SRBD1: variants seen among roughly 807,000 people sequenced by gnomAD.
SRBD1 encodes the protein S1 RNA binding domain 1, also known as S1 RNA-binding domain-containing protein 1.
In SRBD1, 88 loss-of-function variants were observed where a neutral mutation model predicts 115.3. The observed-to-expected ratio is 0.76, with a 90% CI of 0.64 to 0.91. The LOEUF (loss-of-function observed/expected upper bound fraction) is 0.91, where lower values mean the gene tolerates loss of function less well. Ranked by LOEUF, SRBD1 falls within the 40% of genes least tolerant of loss-of-function variation. SRBD1 has a pLI of 0.00. For synonymous variants in SRBD1, 509 were observed against 407.7 expected (o/e 1.25, Z -2.99); for missense variants, 1,385 against 1,177.4 (o/e 1.18, Z -2.58).
At chr2:45,598,304 A>G (rs755159176) in intron 4 of SRBD1, among the ~76,000 whole-genome samples, 4 of 152,136 alleles carry the variant, frequency 2.6e-5, no homozygotes, top group Non-Finnish European at 5.9e-5. Context: ...ACAGAGAAGA[A>G]AAATCATGAT....
intron 6 of SRBD1, among the ~76,000 whole-genome samples, chr2:45,581,312 G>A (rs1224515432): frequency 6.6e-6 from 1 of 152,052 alleles, no homozygotes; most frequent in Non-Finnish European, 1.5e-5. Flanking sequence ...GGTCAATCCT[G>A]ACCTGCTAAC....
At chr2:45,466,090 G>A (rs569129005) in intron 16 of SRBD1, among the ~76,000 whole-genome samples, 2 of 152,272 alleles carry the variant, frequency 1.3e-5, no homozygotes, top group Non-Finnish European at 2.9e-5. Context: ...GGCTTTTATT[G>A]CACTAGAAGA....
At chr2:45,557,626 AACTCCTT>A (rs1227443224) in intron 10 of SRBD1, among the ~76,000 whole-genome samples, 1 of 152,132 alleles carries the variant, frequency 6.6e-6, no homozygotes, top group Non-Finnish European at 1.5e-5. Flanking sequence ...ACATTATAGA[AACTCCTT>A]TTTGCTCCTT....
intron 18 of SRBD1, among the ~76,000 whole-genome samples, chr2:45,417,337 T>C (rs959790278): frequency 1.3e-5 from 2 of 152,224 alleles, no homozygotes; most frequent in African/African-American, 2.4e-5. Context: ...CATAATATCA[T>C]TTGTTAGATA....
chr2:45,464,308 T>C (rs1669413886), intron 16 of SRBD1, among the ~76,000 whole-genome samples: 1 of 152,078 alleles, frequency 6.6e-6, no homozygotes, highest in South Asian at 2.1e-4. Context: ...AAGATCCAAG[T>C]CAAAAGAGAA....
chr2:45,530,467 G>A (rs1472720939), intron 14 of SRBD1, among the ~76,000 whole-genome samples: 2 of 151,964 alleles, frequency 1.3e-5, no homozygotes, highest in Non-Finnish European at 2.9e-5. Flanking sequence ...GTCAATCAAA[G>A]GACTCCACAA....
chr2:45,489,093 G>T (rs571618593), intron 14 of SRBD1, among the ~76,000 whole-genome samples: 26 of 152,232 alleles, frequency 1.7e-4, no homozygotes, highest in African/African-American at 6.0e-4. Context: ...GCTGACATTT[G>T]TATGGGGATT....
At chr2:45,457,882 A>C (rs1365966045) in intron 16 of SRBD1, among the ~76,000 whole-genome samples, 1 of 152,048 alleles carries the variant, frequency 6.6e-6, no homozygotes, top group African/African-American at 2.4e-5. Context: ...TACAAACACA[A>C]TGCAAATGAG....
rs556232843 is a variant in SRBD1 at position 45,608,790 on chromosome 2, C to A, written c.-1+2429G>T. On this transcript the variant is annotated intron_variant, in intron 1 of 20. Coordinates refer to ENST00000263736, the MANE Select transcript of SRBD1 (RefSeq NM_018079.5). ...TCCCATCTCAATAAGTGGCACCCAC[C>A]TATTTGCTAAGCCAGAACCTTGAAA... Among the ~76,000 whole-genome samples, 3 of 151,658 alleles carry A rather than the reference C, an allele frequency of 2.0e-5. No individual in the cohort carries two copies. The South Asian group carries it at 6.3e-4, about 32-fold the overall frequency.
chr2:45,434,877 C>A (rs553961215), intron 16 of SRBD1, among the ~76,000 whole-genome samples: 2 of 151,994 alleles, frequency 1.3e-5, no homozygotes, highest in African/African-American at 4.8e-5. Context: ...CCCATTCACT[C>A]GTCATTTACA....
intron 14 of SRBD1, among the ~76,000 whole-genome samples, chr2:45,518,029 C>G (rs1671172956): frequency 6.6e-6 from 1 of 152,010 alleles, no homozygotes; most frequent in African/African-American, 2.4e-5. Context: ...AATTCAAAAG[C>G]TCTCTTTATT....
chr2:45,582,696 T>C (rs1485641272), intron 5 of SRBD1, among the ~76,000 whole-genome samples: 3 of 152,220 alleles, frequency 2.0e-5, no homozygotes, highest in Non-Finnish European at 2.9e-5. Context: ...CTGTGTCCTT[T>C]TGACATGTAT....
At chr2:45,581,092 T>C (rs1171581656) in intron 6 of SRBD1, among the ~76,000 whole-genome samples, 5 of 152,128 alleles carry the variant, frequency 3.3e-5, no homozygotes, top group Non-Finnish European at 5.9e-5. Context: ...GATCTCCTAA[T>C]TACCAAATAT....
intron 16 of SRBD1, among the ~76,000 whole-genome samples, chr2:45,475,859 C>A (rs112876297): frequency 6.6e-6 from 1 of 152,122 alleles, no homozygotes; most frequent in Non-Finnish European, 1.5e-5. Context: ...CCACCATACC[C>A]GGCTAATTTT....
At chr2:45,392,769 C>G (rs964664317) in intron 20 of SRBD1, among the ~76,000 whole-genome samples, 176 bp downstream of exon 20, 1 of 152,190 alleles carries the variant, frequency 6.6e-6, no homozygotes, top group Admixed American at 6.5e-5. Context: ...CTAGCTTTGG[C>G]TCTGGATATT....
chr2:45,410,253 C>A (rs1667559601), intron 19 of SRBD1, among the ~76,000 whole-genome samples: 1 of 152,106 alleles, frequency 6.6e-6, no homozygotes, highest in Admixed American at 6.5e-5. Flanking sequence ...TGTCACATGA[C>A]AAAAATGCAA....
At chr2:45,451,867 A>G (rs2103744677) in intron 16 of SRBD1, among the ~76,000 whole-genome samples, 1 of 152,040 alleles carries the variant, frequency 6.6e-6, no homozygotes, top group African/African-American at 2.4e-5. Context: ...GGTAAAAATA[A>G]AAACTGATTT....
At chr2:45,532,239 C>T (rs1193949789) in intron 14 of SRBD1, among the ~76,000 whole-genome samples, 1 of 151,858 alleles carries the variant, frequency 6.6e-6, no homozygotes, top group Non-Finnish European at 1.5e-5. Context: ...TCTTTTCATG[C>T]AGCAAGCAAT....
Position 45,562,753 on chromosome 2 carries a change from G to C in SRBD1, c.1309C>G (p.Leu437Val), listed in dbSNP as rs1156814160. The change falls in exon 10 of 21, where the codon CTG becomes GTG. Residue 437 changes from leucine (L) to valine (V), a missense_variant. Physicochemically the swap from Leu to Val is conservative, Grantham distance 32. Coordinates refer to ENST00000263736, the MANE Select transcript of SRBD1 (RefSeq NM_018079.5). ...NIRNIHHHQI[L>V]AINRGENLKV... ...AAATTTTCTCCACGGTTAATTGCCA[G>C]AATCTGAGTGCAAACATAAGGCAAA... 1.2e-6 allele frequency: 2 copies of C among 1,602,110 alleles called. No individual in the cohort carries two copies. Among genetic ancestry groups the C allele is most frequent in the African/African-American group, 2.7e-5 (2 of 74,218 alleles).
Sources: gnomAD v4.1 joint callset for allele counts (sites outside exome capture counted in the v4.1 genomes callset) on GRCh38, gnomAD v4.1.1 for gene constraint, MANE v1.5 for transcripts, NCBI Gene and HGNC (gene_info 2026-07-23, HGNC 2026-07-21) for gene names.